Variants in SMYD3 observed in about 807,000 individuals in gnomAD.
The protein encoded by SMYD3 is histone-lysine N-methyltransferase SMYD3.
In SMYD3, 36 loss-of-function variants were observed where a neutral mutation model predicts 57.7. That is an observed-to-expected ratio of 0.62 (90% confidence interval 0.48 to 0.82). The LOEUF (loss-of-function observed/expected upper bound fraction) is 0.82, where lower values mean the gene tolerates loss of function less well. Among genes scored for constraint, SMYD3 ranks in the 40% least tolerant of loss-of-function variants. The probability of loss-of-function intolerance (pLI) is 0.00; values close to 1 mark genes in which losing one functional copy is unlikely to be tolerated. For synonymous variants in SMYD3, 211 were observed against 195.0 expected, an observed-to-expected ratio of 1.08 and a Z score of -0.68; for missense variants, 515 against 538.8, an observed-to-expected ratio of 0.96 and a Z score of 0.44.
intron 1 of SMYD3, among the ~76,000 whole-genome samples, chr1:246,442,839 C>T (rs1375927016): frequency 1.3e-5 from 2 of 152,024 alleles, no homozygotes; most frequent in African/African-American, 4.8e-5. Flanking sequence ...GATAGATGAT[C>T]TTGGGAGCCA....
At chr1:246,225,240 T>A (rs568040399) in intron 5 of SMYD3, among the ~76,000 whole-genome samples, 1 of 137,556 alleles carries the variant, frequency 7.3e-6, no homozygotes, top group South Asian at 2.3e-4. Context: ...AAGAAATGGC[T>A]AAACAGAGGG....
At chr1:246,263,751 T>C (rs2064054607) in intron 5 of SMYD3, among the ~76,000 whole-genome samples, 1 of 152,234 alleles carries the variant, frequency 6.6e-6, no homozygotes, top group African/African-American at 2.4e-5. Context: ...TACCAATTCC[T>C]TCCAAAGGCA....
At chr1:246,456,990 A>C (rs1446249095) in intron 1 of SMYD3, among the ~76,000 whole-genome samples, 1 of 152,222 alleles carries the variant, frequency 6.6e-6, no homozygotes, top group Non-Finnish European at 1.5e-5. Flanking sequence ...CTACTTCCCC[A>C]AAGAATATCG....
Position 245,889,833 on chromosome 1 carries a change from A to T in SMYD3, c.813+25697T>A, listed in dbSNP as rs2053282727. Among the ~76,000 whole-genome samples the T allele has an allele frequency of 3.3e-5, 5 of 152,340 alleles. No individual in the cohort carries two copies. In the South Asian group the frequency reaches 1.0e-3, roughly 32 times the overall value. On this transcript the variant is annotated intron_variant, in intron 8 of 11. Transcript: ENST00000490107. The stretch of plus-strand genomic sequence containing the variant: ...TGAAGGAATCACATTACCTGACTTC[A>T]AATTATACTACAGAGCTATAGTAAC...
At chr1:246,134,919 T>C (rs1485407279) in intron 5 of SMYD3, among the ~76,000 whole-genome samples, 1 of 149,994 alleles carries the variant, frequency 6.7e-6, no homozygotes, top group East Asian at 1.9e-4. Context: ...CCCAAGAAAA[T>C]GTTCCCAGTC....
chr1:246,306,661 G>A (rs1472870457), intron 5 of SMYD3, among the ~76,000 whole-genome samples: 4 of 152,124 alleles, frequency 2.6e-5, no homozygotes, highest in East Asian at 1.9e-4. Flanking sequence ...CCACTTTTAA[G>A]GTGTAATATT....
At chr1:246,425,137 C>T (rs1430229289) in intron 1 of SMYD3, among the ~76,000 whole-genome samples, 1 of 152,124 alleles carries the variant, frequency 6.6e-6, no homozygotes, top group East Asian at 1.9e-4. Flanking sequence ...CACAGCAAGA[C>T]TAGGTCAGAT....
chr1:245,780,391 A>T (rs1255845849), intron 10 of SMYD3, among the ~76,000 whole-genome samples: 1 of 152,216 alleles, frequency 6.6e-6, no homozygotes, highest in African/African-American at 2.4e-5. Context: ...AACTTTAAAA[A>T]CATTATGCTA....
At chr1:246,073,850 A>C (rs1426369702) in intron 5 of SMYD3, among the ~76,000 whole-genome samples, 1 of 152,194 alleles carries the variant, frequency 6.6e-6, no homozygotes, top group South Asian at 2.1e-4. Context: ...TGGAAAGCAC[A>C]ACGCCAGATA....
chr1:246,129,132 A>G (rs2061551143), intron 5 of SMYD3, among the ~76,000 whole-genome samples: 1 of 152,144 alleles, frequency 6.6e-6, no homozygotes, highest in Non-Finnish European at 1.5e-5. Flanking sequence ...CCTTCAAAAA[A>G]TATGCAAGAT....
At chr1:245,932,003 T>TAAATTGG (rs1243452005) in intron 5 of SMYD3, among the ~76,000 whole-genome samples, 1 of 152,234 alleles carries the variant, frequency 6.6e-6, no homozygotes, top group Non-Finnish European at 1.5e-5. Context: ...TACTTATGTA[T>TAAATTGG]AAATTGGATG....
At chr1:245,939,061 T>G (rs10924392) in intron 5 of SMYD3, among the ~76,000 whole-genome samples, 6 of 151,596 alleles carry the variant, frequency 4.0e-5, no homozygotes. Flanking sequence ...CAGAATCACC[T>G]GAACCTAGGA....
In SMYD3 at chr1:246,187,242, C is replaced by A. The variant is rs373000150; in HGVS notation, c.531+139959G>T. Among the ~76,000 whole-genome samples the A allele has an allele frequency of 2.0e-5, 3 of 149,166 alleles. No homozygotes were observed. In the South Asian group the frequency reaches 6.3e-4, roughly 31 times the overall value. On this transcript the variant is annotated intron_variant, in intron 5 of 11. Transcript: ENST00000490107. ...GGCAGAGCCTGCATTGAGCAGAGAT[C>A]GTGCCACTGCACTCCAGCCTAGGCA...
chr1:245,857,724 C>T (rs1165688538), intron 10 of SMYD3, among the ~76,000 whole-genome samples: 1 of 152,108 alleles, frequency 6.6e-6, no homozygotes, highest in African/African-American at 2.4e-5. Context: ...CACATGTCTC[C>T]GTGCCCTTCC....
At chr1:245,995,949 A>T (rs1368946660) in intron 5 of SMYD3, among the ~76,000 whole-genome samples, 1 of 152,256 alleles carries the variant, frequency 6.6e-6, no homozygotes, top group Non-Finnish European at 1.5e-5. Context: ...CAGTGGAAAG[A>T]CAATCAGCCA....
chr1:245,874,121 T>C (rs1425404705), intron 8 of SMYD3, among the ~76,000 whole-genome samples: 1 of 152,220 alleles, frequency 6.6e-6, no homozygotes. Context: ...TCATTCTATT[T>C]TAAACTGAGT....
At chr1:246,058,641 G>A (rs1270868281) in intron 5 of SMYD3, among the ~76,000 whole-genome samples, 2 of 152,102 alleles carry the variant, frequency 1.3e-5, no homozygotes, top group African/African-American at 4.8e-5. Context: ...CTTGAGGAAA[G>A]CTTTTTATAG....
At chr1:246,482,315 T>C (rs1003117615) in intron 1 of SMYD3, among the ~76,000 whole-genome samples, 2 of 152,198 alleles carry the variant, frequency 1.3e-5, no homozygotes, top group Admixed American at 6.5e-5. Flanking sequence ...TCCTTAGTGA[T>C]AGGATCCTCA....
intron 1 of SMYD3, among the ~76,000 whole-genome samples, chr1:246,479,713 G>T (rs1293830019): frequency 1.3e-5 from 2 of 151,802 alleles, no homozygotes; most frequent in Non-Finnish European, 2.9e-5. Context: ...TCAATATATT[G>T]CCCAGGCTGG....
Sources: gnomAD v4.1 joint callset for allele counts (sites outside exome capture counted in the v4.1 genomes callset) on GRCh38, gnomAD v4.1.1 for gene constraint, MANE v1.5 for transcripts, NCBI Gene and HGNC (gene_info 2026-07-23, HGNC 2026-07-21) for gene names.